Variants in DNAH5 observed in about 807,000 individuals in gnomAD.
DNAH5 encodes dynein axonemal heavy chain 5, also known as axonemal beta dynein heavy chain 5.
A neutral mutation model predicts 518.2 loss-of-function variants in DNAH5; 372 were observed. That is an observed-to-expected ratio of 0.72 (90% confidence interval 0.66 to 0.78). DNAH5 has a LOEUF of 0.78. DNAH5 is among the 30% of genes least tolerant of loss of function. DNAH5 has a pLI of 0.00. For synonymous variants in DNAH5, 2,039 were observed against 2,025.9 expected, an observed-to-expected ratio of 1.01 and a Z score of -0.17; for missense variants, 5,523 against 5,687.0, an observed-to-expected ratio of 0.97 and a Z score of 0.93.
intron 17 of DNAH5, among the ~76,000 whole-genome samples, chr5:13,887,656 T>C (rs886503825): frequency 1.3e-5 from 2 of 152,192 alleles, no homozygotes; most frequent in African/African-American, 4.8e-5. Context: ...CTAGACGCCA[T>C]GTCTTCTCAA....
rs1769543862 is a variant in DNAH5, at chr5:13,868,055, T to C, written c.3835-63A>G. 2.6e-6 allele frequency: 3 copies of C among 1,175,944 alleles called. 1 individual carries two copies. In the South Asian group the frequency reaches 3.8e-5, roughly 15 times the overall value. The allele number at this position is 1,175,944 out of a possible 1,614,324, so 72.8% of individuals were successfully genotyped here. A position where few individuals can be genotyped will look rare whatever the true frequency, so the allele number is the denominator to read the frequency against. The stretch of plus-strand genomic sequence containing the variant: ...AGATGCATAAATCTACACACAGCCA[T>C]TTATTAAATGATAAGAATGGAAAAT... On this transcript the variant is annotated intron_variant, in intron 24 of 78. Transcript: ENST00000265104.
chr5:13,864,297 T>C (rs954270654), intron 28 of DNAH5, 100 bp downstream of exon 28: 23 of 1,511,318 alleles, frequency 1.5e-5, no homozygotes, highest in Non-Finnish European at 2.1e-5. Flanking sequence ...AGAGTTTCAA[T>C]TGTCTGAGTG....
In DNAH5 at chr5:13,883,588, A is replaced by C. The variant is rs544419557; in HGVS notation, c.2984-494T>G. On this transcript the variant is annotated intron_variant, in intron 19 of 78. Transcript: ENST00000265104. ...AGTTAAAAAAATGGAAAAGAAATAA[A>C]GTGTAATTCGCCATTCATACTGAAG... is the stretch of plus-strand genomic sequence containing the variant. Among the ~76,000 whole-genome samples, 17 of 152,338 alleles carry C rather than the reference A, an allele frequency of 1.1e-4. No homozygotes were observed. The South Asian group carries it at 3.1e-3, about 28-fold the overall frequency.
intron 61 of DNAH5, 139 bp downstream of exon 61, chr5:13,758,707 C>G (rs1157346026): frequency 2.4e-6 from 3 of 1,253,608 alleles, no homozygotes; most frequent in African/African-American, 2.9e-5. Context: ...CCTGTTGTCT[C>G]ATCAAAGACC....
chr5:13,854,440 A>G (rs962517140), intron 30 of DNAH5, among the ~76,000 whole-genome samples: 3 of 152,244 alleles, frequency 2.0e-5, no homozygotes, highest in Non-Finnish European at 4.4e-5. Flanking sequence ...GACCATTGAT[A>G]TTATGAAGAA....
intron 32 of DNAH5, among the ~76,000 whole-genome samples, chr5:13,842,129 C>T (rs1413653210): frequency 2.6e-5 from 4 of 151,678 alleles, no homozygotes; most frequent in Non-Finnish European, 5.9e-5. Flanking sequence ...CCTGTAATCC[C>T]AGCACTTTGG....
At position 13,831,089 on chromosome 5, in the gene DNAH5, C is replaced by A; in HGVS notation, c.5883-314G>T. Among the ~76,000 whole-genome samples, 2 of 152,278 alleles carry A rather than the reference C, an allele frequency of 1.3e-5. 1 individual carries two copies. The highest frequency in any genetic ancestry group is 1.3e-4 in the Admixed American group (2 of 15,286). ...AGAATCTCCAGGTATAAAAATAATA[C>A]ATTGCATTTCCAAAATGTATTTGGC... On this transcript the variant is annotated intron_variant, in intron 35 of 78. Coordinates refer to ENST00000265104, the MANE Select transcript of DNAH5 (RefSeq NM_001369.3).
intron 65 of DNAH5, among the ~76,000 whole-genome samples, chr5:13,746,720 T>C (rs1051483736): frequency 6.6e-6 from 1 of 152,084 alleles, no homozygotes; most frequent in Non-Finnish European, 1.5e-5. Context: ...AGAGAAAAGA[T>C]TGGCAGGCAA....
chr5:13,989,409 A>C (rs554793443), intron 1 of DNAH5, among the ~76,000 whole-genome samples: 5 of 152,122 alleles, frequency 3.3e-5, no homozygotes, highest in Admixed American at 6.5e-5. Context: ...GGTCCCAAAA[A>C]AGTATGATCC....
chr5:14,010,800 T>C (rs1032598287), intron 1 of DNAH5, among the ~76,000 whole-genome samples: 7 of 152,180 alleles, frequency 4.6e-5, no homozygotes, highest in African/African-American at 7.2e-5. Context: ...TCTAGATACA[T>C]TGCTCTTAAT....
At chr5:13,882,876 T>A (rs1771867958) in intron 20 of DNAH5, 28 bp downstream of exon 20, 1 of 1,613,810 alleles carries the variant, frequency 6.2e-7, no homozygotes, top group South Asian at 1.1e-5. Context: ...GGTTTCCATA[T>A]GAAACCATTT....
intron 41 of DNAH5, among the ~76,000 whole-genome samples, chr5:13,818,703 T>A (rs1035330774): frequency 6.6e-6 from 1 of 152,140 alleles, no homozygotes; most frequent in African/African-American, 2.4e-5. Context: ...CCCTGTTGAG[T>A]TTTAATTATC....
chr5:13,705,937 C>T (rs1051833287), intron 76 of DNAH5, among the ~76,000 whole-genome samples: 1 of 152,230 alleles, frequency 6.6e-6, no homozygotes, highest in African/African-American at 2.4e-5. Context: ...CTCTTCTAGA[C>T]ACTCTGAAGG....
intron 27 of DNAH5, among the ~76,000 whole-genome samples, 163 bp from the exon 28 acceptor site, chr5:13,864,800 AC>A (rs1434206676): frequency 1.3e-5 from 2 of 152,176 alleles, no homozygotes; most frequent in Admixed American, 1.3e-4. Context: ...TATACAGATG[AC>A]TTTTATATTA....
At chr5:13,998,566 C>T (rs1784126445) in intron 1 of DNAH5, among the ~76,000 whole-genome samples, 1 of 152,236 alleles carries the variant, frequency 6.6e-6, no homozygotes, top group African/African-American at 2.4e-5. Context: ...CAACTCTAGG[C>T]TACCTATTCT....
rs142691741 is a variant in DNAH5, at chr5:13,802,760, C to A, written c.7887+4831G>T. Among the ~76,000 whole-genome samples, 936 of 152,272 alleles carry A rather than the reference C, an allele frequency of 6.1e-3. 13 individuals are homozygous for A. Among genetic ancestry groups the A allele is most frequent in the African/African-American group, 0.022 (898 of 41,542 alleles). ...CACAGTGCAAAATCTGCACGACCTG[C>A]AAGGTCTTACATAACAGCTCTGACT... On this transcript the variant is annotated intron_variant, in intron 47 of 78. Coordinates refer to ENST00000265104, the MANE Select transcript of DNAH5 (RefSeq NM_001369.3).
chr5:13,866,813 G>C (rs1429596598), intron 25 of DNAH5, among the ~76,000 whole-genome samples: 1 of 152,066 alleles, frequency 6.6e-6, no homozygotes, highest in African/African-American at 2.4e-5. Context: ...CTAGTTAATG[G>C]GTACAAATTT....
chr5:13,868,047 C>A, intron 24 of DNAH5, 55 bp from the exon 25 acceptor site: 1 of 1,232,664 alleles, frequency 8.1e-7, no homozygotes, highest in Non-Finnish European at 1.2e-6. Flanking sequence ...TAAATCTACA[C>A]ACAGCCATTT....
At chr5:13,914,300 G>A (rs896929167) in intron 10 of DNAH5, among the ~76,000 whole-genome samples, 2 of 152,080 alleles carry the variant, frequency 1.3e-5, no homozygotes, top group African/African-American at 2.4e-5. Flanking sequence ...TGTATCTCTA[G>A]TACTTACTGT....
Sources: allele counts gnomAD v4.1 joint callset (sites outside exome capture counted in the v4.1 genomes callset), GRCh38; gene constraint gnomAD v4.1.1; transcripts MANE v1.5; gene names NCBI Gene and HGNC (gene_info 2026-07-23, HGNC 2026-07-21).